The following TPST2 variants were observed in gnomAD, a reference collection of about 807,000 sequenced individuals.
The protein encoded by TPST2 is tyrosylprotein sulfotransferase 2, also known as protein-tyrosine sulfotransferase 2.
Under a neutral mutation model 27.8 loss-of-function variants are expected in TPST2, and 16 were observed. The observed-to-expected ratio is 0.58, with a 90% CI of 0.39 to 0.88. The LOEUF (loss-of-function observed/expected upper bound fraction) is 0.88, where lower values mean the gene tolerates loss of function less well. TPST2 is among the 40% of genes least tolerant of loss of function. The pLI, the probability that TPST2 is intolerant of heterozygous loss-of-function variation, is 0.00. For missense variants in TPST2, 464 were observed against 543.1 expected, an observed-to-expected ratio of 0.85 and a Z score of 1.45; for synonymous variants, 229 against 231.7, an observed-to-expected ratio of 0.99 and a Z score of 0.10.
At chr22:26,543,626 C>T (rs1925974712) in intron 2 of TPST2, among the ~76,000 whole-genome samples, 1 of 152,180 alleles carries the variant, frequency 6.6e-6, no homozygotes, top group Admixed American at 6.5e-5. Context: ...ATTTTATGTT[C>T]AGCAAAGGTG....
intron 6 of TPST2, among the ~76,000 whole-genome samples, chr22:26,526,566 T>A (rs1356935753): frequency 6.6e-6 from 1 of 152,218 alleles, no homozygotes; most frequent in African/African-American, 2.4e-5. Flanking sequence ...AGAGAAGGAC[T>A]CATGTTTGTT....
At chr22:26,559,847 G>A (rs755641244) in intron 1 of TPST2, among the ~76,000 whole-genome samples, 10 of 152,148 alleles carry the variant, frequency 6.6e-5, no homozygotes, top group Non-Finnish European at 1.3e-4. Flanking sequence ...ACACCTTCAC[G>A]CAGAAGCCAG....
intron 6 of TPST2, among the ~76,000 whole-genome samples, chr22:26,527,358 C>T (rs990183868): frequency 8.5e-5 from 13 of 152,076 alleles, no homozygotes; most frequent in African/African-American, 3.1e-4. Context: ...AAGTCCACAG[C>T]GAGGGCCCAG....
At chr22:26,558,652 G>A (rs1041656356) in intron 1 of TPST2, among the ~76,000 whole-genome samples, 1 of 152,144 alleles carries the variant, frequency 6.6e-6, no homozygotes, top group African/African-American at 2.4e-5. Context: ...GAGACAGAGA[G>A]AAGGAAGGGA....
chr22:26,552,933 G>A (rs930578365), intron 1 of TPST2, among the ~76,000 whole-genome samples: 2 of 151,910 alleles, frequency 1.3e-5, no homozygotes, highest in Non-Finnish European at 2.9e-5. Flanking sequence ...GGTGGCGGGC[G>A]CCTGTAGTCC....
chr22:26,585,667 A>G (rs1482085533), intron 1 of TPST2, among the ~76,000 whole-genome samples: 2 of 152,166 alleles, frequency 1.3e-5, no homozygotes, highest in Non-Finnish European at 2.9e-5. Flanking sequence ...CATTTTTCCA[A>G]GAAAGTACAT....
intron 1 of TPST2, among the ~76,000 whole-genome samples, chr22:26,577,201 G>C (rs920089251): frequency 2.7e-5 from 4 of 150,392 alleles, no homozygotes; most frequent in African/African-American, 9.8e-5. Context: ...GGAATTCAAG[G>C]CTGCAGCAAG....
At chr22:26,572,599 C>G (rs997567325) in intron 1 of TPST2, among the ~76,000 whole-genome samples, 3 of 152,126 alleles carry the variant, frequency 2.0e-5, no homozygotes, top group Non-Finnish European at 4.4e-5. Context: ...TAAAGTATCT[C>G]CTTCTTCAGG....
intron 1 of TPST2, among the ~76,000 whole-genome samples, chr22:26,588,141 G>C (rs909231157): frequency 1.3e-5 from 2 of 150,684 alleles, no homozygotes; most frequent in Non-Finnish European, 2.9e-5. Flanking sequence ...CAAATGGATA[G>C]AATGTGGTAT....
At chr22:26,582,288 A>G (rs1246772393) in intron 1 of TPST2, among the ~76,000 whole-genome samples, 1 of 152,174 alleles carries the variant, frequency 6.6e-6, no homozygotes, top group African/African-American at 2.4e-5. Flanking sequence ...TTAGCCGGGC[A>G]TGGTGGCAGG....
chr22:26,562,629 C>CTTTTT (rs201599919), intron 1 of TPST2, among the ~76,000 whole-genome samples: 2 of 108,292 alleles, frequency 1.8e-5, no homozygotes, highest in African/African-American at 7.3e-5. Context: ...CTTTTCTTTT[C>CTTTTT]TTTTTTTTTT....
intron 1 of TPST2, among the ~76,000 whole-genome samples, chr22:26,577,092 TTG>T (rs1325865476): frequency 6.7e-5 from 8 of 118,878 alleles, no homozygotes; most frequent in Admixed American, 1.6e-4. Context: ...CGAGACTCTG[TTG>T]CAAAAAAAAA....
At chr22:26,582,167 C>T (rs571878079) in intron 1 of TPST2, among the ~76,000 whole-genome samples, 1 of 152,308 alleles carries the variant, frequency 6.6e-6, no homozygotes, top group African/African-American at 2.4e-5. Context: ...TGGCTCACGC[C>T]TGTAATCCCA....
At chr22:26,562,376 G>T (rs9613214) in intron 1 of TPST2, among the ~76,000 whole-genome samples, 1 of 152,024 alleles carries the variant, frequency 6.6e-6, no homozygotes, top group Non-Finnish European at 1.5e-5. Flanking sequence ...TGTGCTGAAC[G>T]TTCCAGGTGT....
intron 1 of TPST2, among the ~76,000 whole-genome samples, chr22:26,546,514 G>A (rs951788759): frequency 6.6e-6 from 1 of 152,254 alleles, no homozygotes; most frequent in Non-Finnish European, 1.5e-5. Context: ...CAGCCAGGCA[G>A]CTCCCATGGC....
chr22:26,574,006 G>C (rs1049202920), intron 1 of TPST2, among the ~76,000 whole-genome samples: 1 of 152,194 alleles, frequency 6.6e-6, no homozygotes, highest in African/African-American at 2.4e-5. Context: ...ACCCACGAGA[G>C]AGAAGGGGCA....
At chr22:26,555,380 A>G (rs1926738476) in intron 1 of TPST2, 2 of 399,942 alleles carry the variant, frequency 5.0e-6, no homozygotes, top group African/African-American at 2.1e-5. Context: ...AGGAGTGTAG[A>G]CCTAAAGTTG....
chr22:26,581,953 G>A lies in TPST2; in HGVS notation c.-161+8100C>T, dbSNP rs377708415. On this transcript the variant is annotated intron_variant, in intron 1 of 6. Coordinates refer to ENST00000338754, the MANE Select transcript of TPST2 (RefSeq NM_003595.5). ...CAATAAATAAGCATAGCTGTGTTCC[G>A]ATAAAACTTTATTTACAAATACAGG... Among the ~76,000 whole-genome samples the A allele has an allele frequency of 6.6e-5, 10 of 152,292 alleles. No homozygotes were observed. In the East Asian group the frequency reaches 1.3e-3, roughly 21 times the overall value.
chr22:26,571,074 T>C (rs931437636), intron 1 of TPST2, among the ~76,000 whole-genome samples: 1 of 152,150 alleles, frequency 6.6e-6, no homozygotes, highest in Non-Finnish European at 1.5e-5. Context: ...CCTCCTCTGC[T>C]CCGCATCCTC....
Sources: gnomAD v4.1 joint callset for allele counts (sites outside exome capture counted in the v4.1 genomes callset) on GRCh38, gnomAD v4.1.1 for gene constraint, MANE v1.5 for transcripts, NCBI Gene and HGNC (gene_info 2026-07-23, HGNC 2026-07-21) for gene names.